ADNP2: variants seen among roughly 807,000 people sequenced by gnomAD.
The protein encoded by ADNP2 is activity-dependent neuroprotector homeobox protein 2.
ADNP2 carries 8 observed loss-of-function variants against 16.4 expected under a neutral mutation model. The observed-to-expected ratio is 0.49, with a 90% CI of 0.29 to 0.88. The LOEUF is 0.88. Ranked by LOEUF, ADNP2 falls within the 40% of genes least tolerant of loss-of-function variation. The pLI is 0.09. For missense variants in ADNP2, 1,397 were observed against 1,395.1 expected, an observed-to-expected ratio of 1.00 and a Z score of -0.02; for synonymous variants, 637 against 545.8, an observed-to-expected ratio of 1.17 and a Z score of -2.33.
At chr18:80,115,878 C>T (rs946914057) in intron 1 of ADNP2, among the ~76,000 whole-genome samples, 1 of 152,112 alleles carries the variant, frequency 6.6e-6, no homozygotes, top group African/African-American at 2.4e-5. Flanking sequence ...CAGGGTCAAG[C>T]AATTCTCTTG....
At chr18:80,132,964 A>T in intron 2 of ADNP2, 139 bp from the exon 3 acceptor site, 1 of 646,260 alleles carries the variant, frequency 1.5e-6, no homozygotes, top group Non-Finnish European at 2.7e-6. Context: ...CAAGTGATCC[A>T]CCCTCCTCAA....
chr18:80,137,366 A>G lies in ADNP2; in HGVS notation c.1953A>G (p.Pro651=). 6.2e-7 allele frequency: 1 copy of G among 1,614,188 alleles called. No individual in the cohort carries two copies. Among genetic ancestry groups the G allele is most frequent in the Non-Finnish European group, 8.5e-7 (1 of 1,180,030 alleles). ...IQLLPSGAAA[P]MAGSMPGMPS... ...TCCTGCCGTCAGGTGCAGCTGCACC[A>G]ATGGCCGGTTCCATGCCCGGCATGC... is the stretch of plus-strand genomic sequence containing the variant. The change falls in exon 4 of 4, where the codon CCA becomes CCG. Residue 651 remains proline (P), a synonymous_variant. Coordinates refer to ENST00000262198, the MANE Select transcript of ADNP2 (RefSeq NM_014913.4). This position sits in a 1 kb window ranked among gnomAD's most constrained non-coding sequence, Gnocchi z 4.2.
intron 2 of ADNP2, among the ~76,000 whole-genome samples, chr18:80,120,508 G>A (rs1322310975): frequency 6.6e-6 from 1 of 151,206 alleles, no homozygotes; most frequent in Non-Finnish European, 1.5e-5. Context: ...ATTTTTTTTT[G>A]TATTTTTTTA....
rs2052564820 is a variant in ADNP2, at chr18:80,139,147, CT to C, written c.*343del. 1 of 189,122 alleles carries C rather than the reference CT, an allele frequency of 5.3e-6. No individual in the cohort carries two copies. The highest frequency in any genetic ancestry group is 6.0e-5 in the Admixed American group (1 of 16,702). The allele number at this position is 189,122 out of a possible 1,614,324, so 11.7% of individuals were successfully genotyped here. A position where few individuals can be genotyped will look rare whatever the true frequency, so the allele number is the denominator to read the frequency against. ...GAAACTGAAATCTATAAATAATTTG[CT>C]TTTTCATTAAGGACATTTCAGCCTT... is the stretch of plus-strand genomic sequence containing the variant. On this transcript the variant is annotated 3_prime_UTR_variant, in exon 4 of 4. Coordinates refer to ENST00000262198, the MANE Select transcript of ADNP2 (RefSeq NM_014913.4).
chr18:80,123,145 C>T (rs1386281447), intron 2 of ADNP2, among the ~76,000 whole-genome samples: 1 of 151,690 alleles, frequency 6.6e-6, no homozygotes, highest in African/African-American at 2.4e-5. Context: ...ATGTTGAAGC[C>T]CCTTTGCATT....
intron 3 of ADNP2, among the ~76,000 whole-genome samples, chr18:80,133,483 C>G (rs141676754): frequency 6.6e-6 from 1 of 152,154 alleles, no homozygotes; most frequent in Non-Finnish European, 1.5e-5. Context: ...AATAATTGTT[C>G]TGAGTAAAAC....
intron 1 of ADNP2, 152 bp downstream of exon 1, chr18:80,109,624 C>T (rs905396307): frequency 1.3e-5 from 2 of 149,032 alleles, no homozygotes; most frequent in African/African-American, 2.4e-5. Flanking sequence ...CGCCCGTGGC[C>T]GCCTCGGGAA....
intron 1 of ADNP2, chr18:80,109,779 G>A (rs1363722835): frequency 1.3e-5 from 2 of 151,942 alleles, no homozygotes; most frequent in African/African-American, 4.8e-5. Context: ...GGGACCTGAG[G>A]GGAGAGTAGG....
At chr18:80,123,659 G>A (rs2052439613) in intron 2 of ADNP2, among the ~76,000 whole-genome samples, 1 of 151,544 alleles carries the variant, frequency 6.6e-6, no homozygotes, top group Non-Finnish European at 1.5e-5. Flanking sequence ...CTGAGCCACT[G>A]TGCCTGGCCC....
chr18:80,135,477 C>T (rs2052525646), intron 3 of ADNP2, 135 bp from the exon 4 acceptor site: 2 of 940,414 alleles, frequency 2.1e-6, no homozygotes, highest in Non-Finnish European at 3.1e-6. Flanking sequence ...TTGCCAACCC[C>T]TGGGTTAGAA....
Position 80,135,682 on chromosome 18 carries a change from A to T in ADNP2, c.269A>T (p.Asn90Ile). ...ACAAAGGTGCTTACTTCATTCAAGA[A>T]TCATTTACATCGTTACCATGAAGAT... is the stretch of plus-strand genomic sequence containing the variant. Reference protein sequence around the residue: ...YSTKVLTSFKNHLHRYHEDEI... With the variant: ...YSTKVLTSFKIHLHRYHEDEI... The change falls in exon 4 of 4, where the codon AAT (asparagine) becomes ATT (isoleucine). Residue 90 changes from asparagine (N) to isoleucine (I), a missense_variant. Transcript: ENST00000262198. 1 of 1,614,232 alleles carries T rather than the reference A, an allele frequency of 6.2e-7. No individual in the cohort carries two copies. The highest frequency in any genetic ancestry group is 8.5e-7 in the Non-Finnish European group (1 of 1,180,042).
intron 1 of ADNP2, 131 bp downstream of exon 1, chr18:80,109,603 T>TGCCCTCGCGCCGCCC (rs1224768914): frequency 3.4e-5 from 5 of 146,368 alleles, no homozygotes; most frequent in African/African-American, 9.9e-5. Context: ...GCCCGCCGCC[T>TGCCCTCGCGCCGCCC]GCCCTCGCGC....
At position 80,135,682 on chromosome 18, in the gene ADNP2, A is replaced by G. The variant is rs561449125; in HGVS notation, c.269A>G (p.Asn90Ser). ...YSTKVLTSFKNHLHRYHEDEI... is the reference protein window; with the variant it reads ...YSTKVLTSFKSHLHRYHEDEI... The stretch of plus-strand genomic sequence containing the variant: ...ACAAAGGTGCTTACTTCATTCAAGA[A>G]TCATTTACATCGTTACCATGAAGAT... Residue 90 changes from asparagine to serine, a missense_variant, in exon 4 of 4, where the codon AAT (asparagine) becomes AGT (serine). Coordinates refer to ENST00000262198, the MANE Select transcript of ADNP2 (RefSeq NM_014913.4). The G allele has an allele frequency of 1.2e-6, 2 of 1,614,232 alleles. No homozygotes were observed. Among genetic ancestry groups the G allele is most frequent in the African/African-American group, 1.3e-5 (1 of 75,044 alleles).
rs183680398 is a variant in ADNP2, at chr18:80,127,793, G to C, written c.109-5310G>C. Among the ~76,000 whole-genome samples, 260 of 152,336 alleles carry C rather than the reference G, an allele frequency of 1.7e-3. 1 individual carries two copies. The highest frequency in any genetic ancestry group is 6.0e-3 in the African/African-American group (251 of 41,580). On this transcript the variant is annotated intron_variant, in intron 2 of 3. Transcript: ENST00000262198. ...TGGGACTGTGGAGACAGACCTTGCT[G>C]TGAAGGCTTGACTTATGTCACTGTA...
intron 1 of ADNP2, among the ~76,000 whole-genome samples, chr18:80,115,798 G>A (rs1017557046): frequency 2.0e-5 from 3 of 151,950 alleles, no homozygotes; most frequent in Non-Finnish European, 2.9e-5. Flanking sequence ...TTCTGGGGAC[G>A]GAGTTTTGCT....
Position 80,136,987 on chromosome 18 carries a change from C to CA in ADNP2, c.1575dup (p.Val526SerfsTer21). On this transcript the variant is annotated frameshift_variant, in exon 4 of 4. Coordinates refer to ENST00000262198, the MANE Select transcript of ADNP2 (RefSeq NM_014913.4). LOFTEE classifies it low-confidence loss of function (END_TRUNC). ...TCTGGGCTTCTTTCTCCCAACCAGA[C>CA]AGTCTCCTCCTCAGCTGTTGTGCCT... 1 of 1,614,130 alleles carries CA rather than the reference C, an allele frequency of 6.2e-7. No homozygotes were observed. Among genetic ancestry groups the CA allele is most frequent in the Non-Finnish European group, 8.5e-7 (1 of 1,180,014 alleles).
intron 1 of ADNP2, 164 bp downstream of exon 1, chr18:80,109,636 C>T (rs1351011921): frequency 2.7e-5 from 4 of 149,458 alleles, no homozygotes; most frequent in Non-Finnish European, 6.0e-5. Flanking sequence ...CCTCGGGAAT[C>T]CCGGGACGTT....
At chr18:80,134,327 C>G (rs56869405) in intron 3 of ADNP2, among the ~76,000 whole-genome samples, 2 of 151,956 alleles carry the variant, frequency 1.3e-5, no homozygotes, top group Admixed American at 6.6e-5. Flanking sequence ...CCACTGCACT[C>G]CAGCCTCAGT....
rs751415611 is a variant in ADNP2 at position 80,138,830 on chromosome 18, AG to A, written c.*22del. The A allele has an allele frequency of 7.5e-6, 11 of 1,470,514 alleles. No individual in the cohort carries two copies. Among genetic ancestry groups the A allele is most frequent in the East Asian group, 4.8e-5 (2 of 42,070 alleles). The allele number at this position is 1,470,514 out of a possible 1,614,324, so 91.1% of individuals were successfully genotyped here. A position where few individuals can be genotyped will look rare whatever the true frequency, so the allele number is the denominator to read the frequency against. On this transcript the variant is annotated 3_prime_UTR_variant, in exon 4 of 4. Coordinates refer to ENST00000262198, the MANE Select transcript of ADNP2 (RefSeq NM_014913.4). ...CATAAAACTTGCAAAAAAAAAAAAA[AG>A]TAACTCTAAAGTAGTAGGTAGATTT...
Sources: gnomAD v4.1 joint callset for allele counts (sites outside exome capture counted in the v4.1 genomes callset) on GRCh38, gnomAD v4.1.1 for gene constraint, Gnocchi (gnomAD v3.1) non-coding constraint, MANE v1.5 for transcripts, NCBI Gene and HGNC (gene_info 2026-07-23, HGNC 2026-07-21) for gene names.